The following WDR70 variants were observed in gnomAD, a reference collection of about 807,000 sequenced individuals.
WDR70 encodes the protein WD repeat-containing protein 70.
A neutral mutation model predicts 88.6 loss-of-function variants in WDR70; 53 were observed. The observed-to-expected ratio is 0.60, with a 90% CI of 0.48 to 0.75. The LOEUF is 0.75. WDR70 is among the 30% of genes least tolerant of loss of function. The pLI is 0.00. For synonymous variants in WDR70, 280 were observed against 270.0 expected, an observed-to-expected ratio of 1.04 and a Z score of -0.36; for missense variants, 610 against 823.2, an observed-to-expected ratio of 0.74 and a Z score of 3.17.
At chr5:37,576,690 G>A (rs570552455) in intron 9 of WDR70, among the ~76,000 whole-genome samples, 5 of 151,458 alleles carry the variant, frequency 3.3e-5, no homozygotes, top group Admixed American at 3.3e-4. Flanking sequence ...AGCTAGACCA[G>A]ATCCTAGAAA....
chr5:37,599,997 C>G (rs1743820591), intron 9 of WDR70, among the ~76,000 whole-genome samples: 1 of 151,338 alleles, frequency 6.6e-6, no homozygotes, highest in East Asian at 1.9e-4. Context: ...CTAAAGAAAA[C>G]ATAGGAGAAA....
chr5:37,720,355 G>T (rs1043811717), intron 13 of WDR70, among the ~76,000 whole-genome samples: 5 of 151,754 alleles, frequency 3.3e-5, no homozygotes, highest in Admixed American at 3.3e-4. Flanking sequence ...CTTTAATTCT[G>T]TCCACGCTAT....
intron 4 of WDR70, among the ~76,000 whole-genome samples, chr5:37,393,195 C>G (rs746635347): frequency 2.6e-5 from 4 of 151,894 alleles, no homozygotes; most frequent in Non-Finnish European, 5.9e-5. Context: ...GTGCCCACCA[C>G]CATGCCCAGC....
Position 37,493,358 on chromosome 5 carries a change from G to C in WDR70, c.840+13371G>C, listed in dbSNP as rs182926440. On this transcript the variant is annotated intron_variant, in intron 8 of 17. Coordinates refer to ENST00000265107, the MANE Select transcript of WDR70 (RefSeq NM_018034.4). ...TGCCACATAGTTCCCTCCATCTTCAGGGTCAGCAAAGGAGAATCTTTCTCA... is the reference window on the plus strand; with the variant it reads ...TGCCACATAGTTCCCTCCATCTTCACGGTCAGCAAAGGAGAATCTTTCTCA... Among the ~76,000 whole-genome samples, 238 of 152,190 alleles carry C rather than the reference G, an allele frequency of 1.6e-3. 2 individuals are homozygous for C. Among genetic ancestry groups the C allele is most frequent in the African/African-American group, 5.5e-3 (230 of 41,510 alleles).
chr5:37,425,238 G>A (rs1750085815), intron 5 of WDR70, among the ~76,000 whole-genome samples: 1 of 152,172 alleles, frequency 6.6e-6, no homozygotes, highest in South Asian at 2.1e-4. Context: ...GTGACAGAGT[G>A]AGACCCTATC....
chr5:37,494,391 G>A (rs763541920), intron 8 of WDR70, among the ~76,000 whole-genome samples: 9 of 152,262 alleles, frequency 5.9e-5, no homozygotes, highest in East Asian at 3.9e-4. Context: ...ATCATTCTGC[G>A]TGTTCATATC....
At chr5:37,385,662 C>G (rs1483523357) in intron 3 of WDR70, among the ~76,000 whole-genome samples, 1 of 151,880 alleles carries the variant, frequency 6.6e-6, no homozygotes, top group Non-Finnish European at 1.5e-5. Context: ...GCCTAGGGGT[C>G]CAGCACTAAG....
At chr5:37,390,777 C>T (rs761110431) in intron 3 of WDR70, among the ~76,000 whole-genome samples, 6 of 145,148 alleles carry the variant, frequency 4.1e-5, no homozygotes, top group South Asian at 2.2e-4. Context: ...AGTGCAATGG[C>T]GCAATCTTGG....
In WDR70 at chr5:37,654,909, AGTCT is replaced by A. The variant is rs201385511; in HGVS notation, c.1093-42743_1093-42740del. 6.8e-4 allele frequency among the ~76,000 whole-genome samples: 103 copies of A among 152,346 alleles called. 1 individual carries two copies. The East Asian group carries it at 0.018, about 27-fold the overall frequency. ...GTCTTGACTATTTATCCAATTTGCC[AGTCT>A]GTGTCTTTTAATTGGGGCATTAGCC... On this transcript the variant is annotated intron_variant, in intron 10 of 17. Coordinates refer to ENST00000265107, the MANE Select transcript of WDR70 (RefSeq NM_018034.4).
chr5:37,438,323 A>G (rs1750544651), intron 6 of WDR70, among the ~76,000 whole-genome samples: 1 of 152,156 alleles, frequency 6.6e-6, no homozygotes, highest in Admixed American at 6.5e-5. Flanking sequence ...TTACTTCTGT[A>G]TCAGTAAAAG....
At chr5:37,564,549 G>A (rs1227155948) in intron 9 of WDR70, among the ~76,000 whole-genome samples, 1 of 128,994 alleles carries the variant, frequency 7.8e-6, no homozygotes, top group Non-Finnish European at 1.8e-5. Context: ...GTGGGGAGAG[G>A]GAGACCGTGG....
intron 8 of WDR70, among the ~76,000 whole-genome samples, chr5:37,493,852 A>G (rs1740139807): frequency 7.1e-6 from 1 of 140,786 alleles, no homozygotes; most frequent in African/African-American, 2.6e-5. Context: ...TTTTTTTGAG[A>G]TGGAGTCTCA....
At chr5:37,393,069 G>A (rs531503681) in intron 4 of WDR70, among the ~76,000 whole-genome samples, 1 of 152,096 alleles carries the variant, frequency 6.6e-6, no homozygotes, top group African/African-American at 2.4e-5. Flanking sequence ...TTGGGTTGGA[G>A]TCTCACTCTG....
At chr5:37,564,120 G>A (rs1322887385) in intron 9 of WDR70, among the ~76,000 whole-genome samples, 5 of 149,754 alleles carry the variant, frequency 3.3e-5, no homozygotes, top group African/African-American at 9.7e-5. Flanking sequence ...TTCCCAGACG[G>A]GGTGGCGGCT....
rs144063636 is a variant in WDR70 at position 37,489,306 on chromosome 5, G to T, written c.840+9319G>T. ...GCTTTTTGAGGTGCCAGTAGTGGCA[G>T]TGGTGAGTTGAGTGGGTGGGTTGGG... On this transcript the variant is annotated intron_variant, in intron 8 of 17. Coordinates refer to ENST00000265107, the MANE Select transcript of WDR70 (RefSeq NM_018034.4). Among the ~76,000 whole-genome samples, 338 of 152,308 alleles carry T rather than the reference G, an allele frequency of 2.2e-3. 1 individual carries two copies. The highest frequency in any genetic ancestry group is 7.7e-3 in the African/African-American group (320 of 41,550).
At chr5:37,509,109 CTCTT>C (rs1398885828) in intron 8 of WDR70, among the ~76,000 whole-genome samples, 1 of 151,998 alleles carries the variant, frequency 6.6e-6, no homozygotes, top group African/African-American at 2.4e-5. Flanking sequence ...TGTCTTCTCT[CTCTT>C]TCTCTCCTTT....
intron 7 of WDR70, among the ~76,000 whole-genome samples, chr5:37,461,737 C>T (rs1739012583): frequency 1.4e-5 from 2 of 139,520 alleles, no homozygotes; most frequent in South Asian, 4.7e-4. Flanking sequence ...CCTGCCTCGG[C>T]CTCCCAAAGT....
In WDR70 at chr5:37,439,765, G is replaced by A. The variant is rs530936766; in HGVS notation, c.552+1784G>A. The stretch of plus-strand genomic sequence containing the variant: ...GAGTTATTTTAAAAAGGTCCATAAG[G>A]CCAATCTTATTTCTTTCCTATATAC... On this transcript the variant is annotated intron_variant, in intron 6 of 17. Coordinates refer to ENST00000265107, the MANE Select transcript of WDR70 (RefSeq NM_018034.4). Among the ~76,000 whole-genome samples the A allele has an allele frequency of 1.1e-4, 16 of 151,628 alleles. No individual in the cohort carries two copies. The South Asian group carries it at 3.1e-3, about 30-fold the overall frequency.
chr5:37,681,640 G>A (rs934384665), intron 10 of WDR70, among the ~76,000 whole-genome samples: 1 of 152,072 alleles, frequency 6.6e-6, no homozygotes, highest in African/African-American at 2.4e-5. Context: ...TAACATGAAG[G>A]GATGTTGAAT....
Sources: allele counts gnomAD v4.1 joint callset (sites outside exome capture counted in the v4.1 genomes callset), GRCh38; gene constraint gnomAD v4.1.1; transcripts MANE v1.5; gene names NCBI Gene and HGNC (gene_info 2026-07-23, HGNC 2026-07-21).